INSYN2A: variants seen among roughly 807,000 people sequenced by gnomAD.
The protein encoded by INSYN2A is inhibitory synaptic factor 2A, also known as family with sequence similarity 196 member A.
INSYN2A carries 17 observed loss-of-function variants against 39.4 expected under a neutral mutation model. The observed-to-expected ratio is 0.43, with a 90% CI of 0.30 to 0.65. The LOEUF is 0.65. Ranked by LOEUF, INSYN2A falls within the 30% of genes least tolerant of loss-of-function variation. The probability of loss-of-function intolerance (pLI) is 0.14; values close to 1 mark genes in which losing one functional copy is unlikely to be tolerated. For missense variants in INSYN2A, 595 were observed against 631.2 expected (o/e 0.94, Z 0.61); for synonymous variants, 255 against 265.7 (o/e 0.96, Z 0.39).
chr10:127,171,561 GC>G (rs1265513521), intron 4 of INSYN2A, among the ~76,000 whole-genome samples: 2 of 152,156 alleles, frequency 1.3e-5, no homozygotes, highest in Non-Finnish European at 1.5e-5. Flanking sequence ...TCTTCTGAAT[GC>G]AGATGAAATT....
chr10:127,185,261 G>A (rs917302363), intron 2 of INSYN2A, among the ~76,000 whole-genome samples: 1 of 152,186 alleles, frequency 6.6e-6, no homozygotes, highest in African/African-American at 2.4e-5. Flanking sequence ...AGGCACGGTG[G>A]CTCATGCCTG....
chr10:127,145,747 T>G (rs375360107), intron 5 of INSYN2A, among the ~76,000 whole-genome samples: 56 of 152,310 alleles, frequency 3.7e-4, no homozygotes, highest in Admixed American at 9.8e-4. Flanking sequence ...CCCGGAACCC[T>G]GGTTTCTAGA....
chr10:127,164,960 T>G (rs1243168604), intron 4 of INSYN2A, among the ~76,000 whole-genome samples: 2 of 152,248 alleles, frequency 1.3e-5, no homozygotes, highest in African/African-American at 2.4e-5. Context: ...GTTGATTAAC[T>G]TATTTTCCTG....
At chr10:127,179,427 CT>C (rs1429385859) in intron 2 of INSYN2A, among the ~76,000 whole-genome samples, 10 of 152,122 alleles carry the variant, frequency 6.6e-5, no homozygotes, top group Non-Finnish European at 1.5e-4. Context: ...TTATTGCTGA[CT>C]TAAAAAACAG....
intron 4 of INSYN2A, among the ~76,000 whole-genome samples, chr10:127,174,894 A>G (rs1228730604): frequency 1.3e-5 from 2 of 152,144 alleles, no homozygotes; most frequent in East Asian, 1.9e-4. Context: ...ATATGTTGTT[A>G]TACATTATCA....
At chr10:127,192,097 A>G (rs1255405885) in intron 2 of INSYN2A, among the ~76,000 whole-genome samples, 2 of 152,226 alleles carry the variant, frequency 1.3e-5, no homozygotes, top group African/African-American at 2.4e-5. Flanking sequence ...TATTGGATAG[A>G]ATAGTATAAT....
intron 5 of INSYN2A, among the ~76,000 whole-genome samples, chr10:127,142,438 T>C (rs558160358): frequency 6.6e-6 from 1 of 152,182 alleles, no homozygotes; most frequent in Admixed American, 6.5e-5. Flanking sequence ...CAGGGGAGTG[T>C]CCATGTCATG....
At chr10:127,163,417 T>C (rs2053767243) in intron 4 of INSYN2A, among the ~76,000 whole-genome samples, 1 of 152,096 alleles carries the variant, frequency 6.6e-6, no homozygotes, top group Non-Finnish European at 1.5e-5. Context: ...GTCAACACAA[T>C]GTGGGCAGAG....
At chr10:127,152,003 G>A (rs1256457565) in intron 5 of INSYN2A, among the ~76,000 whole-genome samples, 1 of 62,918 alleles carries the variant, frequency 1.6e-5, no homozygotes, top group African/African-American at 5.6e-5. Flanking sequence ...AGGTTAAACA[G>A]TGTTCACATA....
chr10:127,176,539 A>G lies in INSYN2A; in HGVS notation c.-5-139T>C. On this transcript the variant is annotated intron_variant, in intron 3 of 5. Coordinates refer to ENST00000522781, the MANE Select transcript of INSYN2A (RefSeq NM_001039762.3). The surrounding 1 kb of genome is among the most constrained non-coding windows in gnomAD (Gnocchi z 4.4). The stretch of plus-strand genomic sequence containing the variant: ...GCAGGTGAGGTCGGCCTTTATGTTA[A>G]GGAAAATCACACGGGCTGAGAGTCG... 1.5e-6 allele frequency: 1 copy of G among 685,928 alleles called. No individual in the cohort carries two copies. Among genetic ancestry groups the G allele is most frequent in the South Asian group, 2.0e-5 (1 of 50,962 alleles). The allele number at this position is 685,928 out of a possible 1,614,324, so 42.5% of individuals were successfully genotyped here. A position where few individuals can be genotyped will look rare whatever the true frequency, so the allele number is the denominator to read the frequency against.
chr10:127,155,570 AT>A (rs2052961237), intron 4 of INSYN2A, among the ~76,000 whole-genome samples: 1 of 151,820 alleles, frequency 6.6e-6, no homozygotes, highest in Non-Finnish European at 1.5e-5. Context: ...CCTGTGCCTT[AT>A]CCCCTCCCCT....
chr10:127,150,922 C>T (rs577259064), intron 5 of INSYN2A, among the ~76,000 whole-genome samples: 13 of 152,304 alleles, frequency 8.5e-5, no homozygotes, highest in South Asian at 4.1e-4. Flanking sequence ...TCAAAGAAAA[C>T]GTCTGGGCCT....
intron 4 of INSYN2A, among the ~76,000 whole-genome samples, chr10:127,158,555 C>A (rs958129195): frequency 1.3e-5 from 2 of 152,098 alleles, no homozygotes; most frequent in African/African-American, 2.4e-5. Context: ...ACCTTCTGGG[C>A]GTTCAGTTAA....
At chr10:127,177,726 G>GA (rs2055309793) in intron 2 of INSYN2A, among the ~76,000 whole-genome samples, 2 of 152,234 alleles carry the variant, frequency 1.3e-5, no homozygotes, top group African/African-American at 4.8e-5. Flanking sequence ...GCACTCATTG[G>GA]AAAATGCCAC....
At chr10:127,182,859 G>A (rs539160840) in intron 2 of INSYN2A, among the ~76,000 whole-genome samples, 2 of 152,076 alleles carry the variant, frequency 1.3e-5, no homozygotes, top group East Asian at 1.9e-4. Context: ...CTTTAGTTAC[G>A]ATAGCAGGTG....
chr10:127,176,540 G>A lies in INSYN2A; in HGVS notation c.-5-140C>T, dbSNP rs1011508703. ...CAGGTGAGGTCGGCCTTTATGTTAA[G>A]GAAAATCACACGGGCTGAGAGTCGC... On this transcript the variant is annotated intron_variant, in intron 3 of 5. Transcript: ENST00000522781. This position sits in a 1 kb window ranked among gnomAD's most constrained non-coding sequence, Gnocchi z 4.4. 2 of 677,694 alleles carry A rather than the reference G, an allele frequency of 3.0e-6. No individual in the cohort carries two copies. Among genetic ancestry groups the A allele is most frequent in the African/African-American group, 3.6e-5 (2 of 55,620 alleles). 42.0% of individuals were successfully genotyped at this position (677,694 alleles called of 1,614,324 possible). A position where few individuals can be genotyped will look rare whatever the true frequency, so the allele number is the denominator to read the frequency against.
chr10:127,142,043 G>GCTAC (rs2051313425), intron 5 of INSYN2A, among the ~76,000 whole-genome samples: 2 of 152,220 alleles, frequency 1.3e-5, no homozygotes, highest in African/African-American at 4.8e-5. Context: ...TGAGTGACCA[G>GCTAC]CTACCACAGT....
Position 127,137,795 on chromosome 10 carries a change from T to G in INSYN2A, c.*42A>C, listed in dbSNP as rs1282892569. ...GGAAAAGTATTGACTTAAACTCCAG[T>G]GGGTTCTAAAGACGGCCTCGAGACT... is the stretch of plus-strand genomic sequence containing the variant. On this transcript the variant is annotated 3_prime_UTR_variant, in exon 6 of 6. Transcript: ENST00000522781. 1.3e-6 allele frequency: 2 copies of G among 1,553,890 alleles called. No homozygotes were observed. The highest frequency in any genetic ancestry group is 1.4e-5 in the African/African-American group (1 of 72,410).
chr10:127,145,941 G>A (rs76380305), intron 5 of INSYN2A: 2 of 481,888 alleles, frequency 4.2e-6, no homozygotes, highest in Admixed American at 2.0e-5. Flanking sequence ...TCTCAAACAG[G>A]TTCTTTCAAG....
Sources: allele counts gnomAD v4.1 joint callset (sites outside exome capture counted in the v4.1 genomes callset), GRCh38; gene constraint gnomAD v4.1.1; non-coding constraint Gnocchi (gnomAD v3.1); transcripts MANE v1.5; gene names NCBI Gene and HGNC (gene_info 2026-07-23, HGNC 2026-07-21).